The following SGPP1 variants were observed in gnomAD, a reference collection of about 807,000 sequenced individuals.
SGPP1 encodes sphingosine-1-phosphate phosphatase 1.
Under a neutral mutation model 33.0 loss-of-function variants are expected in SGPP1, and 21 were observed. The ratio of observed to expected loss-of-function variants is 0.64; its 90% CI spans 0.45 to 0.92. The LOEUF (loss-of-function observed/expected upper bound fraction) is 0.92. SGPP1 is among the 40% of genes least tolerant of loss of function. The pLI, the probability that SGPP1 is intolerant of heterozygous loss-of-function variation, is 0.00. For missense variants in SGPP1, 543 were observed against 589.4 expected (o/e 0.92, Z 0.81); for synonymous variants, 239 against 241.2 (o/e 0.99, Z 0.08).
At chr14:63,699,777 ACATGGTCCCT>A (rs1168805902) in intron 1 of SGPP1, among the ~76,000 whole-genome samples, 1 of 151,516 alleles carries the variant, frequency 6.6e-6, no homozygotes. Flanking sequence ...ACTACATTTA[ACATGGTCCCT>A]CACTTTCTCC....
chr14:63,717,775 A>G (rs1470322507), intron 1 of SGPP1, among the ~76,000 whole-genome samples: 2 of 152,250 alleles, frequency 1.3e-5, no homozygotes, highest in African/African-American at 4.8e-5. Context: ...ACAAAGAAAA[A>G]GCATGTTAAG....
At chr14:63,696,922 G>A (rs1885198177) in intron 2 of SGPP1, among the ~76,000 whole-genome samples, 1 of 152,192 alleles carries the variant, frequency 6.6e-6, no homozygotes. Context: ...GGAGGCAGAA[G>A]CTGCAGTGAG....
At chr14:63,710,928 A>G (rs978748930) in intron 1 of SGPP1, among the ~76,000 whole-genome samples, 6 of 152,232 alleles carry the variant, frequency 3.9e-5, no homozygotes, top group African/African-American at 1.4e-4. Context: ...TGGGGATACT[A>G]AGACCTATAA....
At chr14:63,717,931 A>G (rs73265743) in intron 1 of SGPP1, among the ~76,000 whole-genome samples, 7,629 of 152,250 alleles carry the variant, frequency 0.05, 335 homozygotes, top group African/African-American at 0.11. Context: ...CCAGAAGGCA[A>G]TGGTACAACA....
intron 1 of SGPP1, among the ~76,000 whole-genome samples, chr14:63,700,263 G>C (rs1355433224): frequency 1.3e-5 from 2 of 151,944 alleles, no homozygotes; most frequent in African/African-American, 4.8e-5. Flanking sequence ...ATTTCCCCGG[G>C]TTTAAGAACC....
In SGPP1 at chr14:63,685,140, C is replaced by A. The variant is rs1473578959; in HGVS notation, c.*965G>T. The A allele has an allele frequency of 6.6e-6, 1 of 152,082 alleles. No homozygotes were observed. Among genetic ancestry groups the A allele is most frequent in the Non-Finnish European group, 1.5e-5 (1 of 67,904 alleles). 9.4% of individuals were successfully genotyped at this position (152,082 alleles called of 1,614,324 possible). A position where few individuals can be genotyped will look rare whatever the true frequency, so the allele number is the denominator to read the frequency against. ...TATCTACAAAAAGGGAAGTATTTAT[C>A]CATTTAGCTTTCTAATAAATTGGTG... is the stretch of plus-strand genomic sequence containing the variant. On this transcript the variant is annotated 3_prime_UTR_variant, in exon 3 of 3. Transcript: ENST00000247225.
At position 63,686,025 on chromosome 14, in the gene SGPP1, T is replaced by C; in HGVS notation, c.*80A>G. 1 of 820,642 alleles carries C rather than the reference T, an allele frequency of 1.2e-6. No individual in the cohort carries two copies. The highest frequency in any genetic ancestry group is 1.8e-5 in the African/African-American group (1 of 57,108). 50.8% of individuals were successfully genotyped at this position (820,642 alleles called of 1,614,324 possible). Reference sequence around the variant, plus strand: ...TTAAATTCCTGCAAAAGCCTAATTCTGACCTGGCTTTACCTGGAATATATT... The same window carrying C: ...TTAAATTCCTGCAAAAGCCTAATTCCGACCTGGCTTTACCTGGAATATATT... On this transcript the variant is annotated 3_prime_UTR_variant, in exon 3 of 3. Transcript: ENST00000247225.
At chr14:63,690,195 ATGCCCAGCTAGG>A in intron 2 of SGPP1, among the ~76,000 whole-genome samples, 1 of 152,276 alleles carries the variant, frequency 6.6e-6, no homozygotes, top group Non-Finnish European at 1.5e-5. Context: ...GTGCATCACC[ATGCCCAGCTAGG>A]CTAAGTTTTG....
chr14:63,716,751 T>C (rs1193831200), intron 1 of SGPP1, among the ~76,000 whole-genome samples: 3 of 151,980 alleles, frequency 2.0e-5, no homozygotes, highest in East Asian at 1.9e-4. Context: ...TGGAGTGCAG[T>C]GGCACAATCT....
intron 1 of SGPP1, among the ~76,000 whole-genome samples, chr14:63,703,572 G>C (rs1261024152): frequency 1.4e-5 from 2 of 144,508 alleles, no homozygotes; most frequent in African/African-American, 5.1e-5. Flanking sequence ...AGAATTGCTT[G>C]AACCCGGGAG....
chr14:63,686,495 C>T lies in SGPP1; in HGVS notation c.936G>A (p.Trp312Ter). ...LGIFSFTLDT[W>*]STSRGDTAEI... ...CGGCTGTGTCTCCTCGGGATGTGCTCCAGGTGTCAAGAGTGAAAGAAAAGA... is the reference window on the plus strand; with the variant it reads ...CGGCTGTGTCTCCTCGGGATGTGCTTCAGGTGTCAAGAGTGAAAGAAAAGA... The change falls in exon 3 of 3, where the codon TGG becomes TGA. Residue 312 changes from tryptophan (W) to a stop codon, truncating the protein, a stop_gained. Coordinates refer to ENST00000247225, the MANE Select transcript of SGPP1 (RefSeq NM_030791.4). LOFTEE classifies it high-confidence loss of function. 6.2e-7 allele frequency: 1 copy of T among 1,613,964 alleles called. No homozygotes were observed. The highest frequency in any genetic ancestry group is 8.5e-7 in the Non-Finnish European group (1 of 1,179,986).
At chr14:63,724,745 TG>T (rs1046797187) in intron 1 of SGPP1, among the ~76,000 whole-genome samples, 3 of 149,978 alleles carry the variant, frequency 2.0e-5, no homozygotes, top group Non-Finnish European at 4.4e-5. Flanking sequence ...GCTAATTTTT[TG>T]TATTTTTTAG....
At chr14:63,688,356 T>C (rs1452104684) in intron 2 of SGPP1, among the ~76,000 whole-genome samples, 2 of 148,262 alleles carry the variant, frequency 1.3e-5, no homozygotes, top group South Asian at 4.3e-4. Flanking sequence ...TTAAAAGAAT[T>C]GACAACTGTA....
chr14:63,695,703 G>A (rs1258024260), intron 2 of SGPP1, among the ~76,000 whole-genome samples: 1 of 152,142 alleles, frequency 6.6e-6, no homozygotes, highest in Non-Finnish European at 1.5e-5. Flanking sequence ...CTTGAACCAG[G>A]AGTTTGATAT....
rs144885334 is a variant in SGPP1, at chr14:63,706,358, C to T, written c.685-7700G>A. Reference sequence around the variant, plus strand: ...GTGTTTTGGAACTAGATAGAAACAACGGTTGTACGACATTGTGAATGTACT... The same window carrying T: ...GTGTTTTGGAACTAGATAGAAACAATGGTTGTACGACATTGTGAATGTACT... On this transcript the variant is annotated intron_variant, in intron 1 of 2. Transcript: ENST00000247225. Among the ~76,000 whole-genome samples, 103 of 152,118 alleles carry T rather than the reference C, an allele frequency of 6.8e-4. 2 individuals are homozygous for T. The highest frequency in any genetic ancestry group is 1.1e-3 in the Non-Finnish European group (77 of 68,030).
intron 1 of SGPP1, among the ~76,000 whole-genome samples, chr14:63,716,447 T>C (rs1885628717): frequency 6.6e-6 from 1 of 151,786 alleles, no homozygotes; most frequent in African/African-American, 2.4e-5. Context: ...TGAGCCAATA[T>C]CACACCTCTG....
chr14:63,688,349 A>G (rs1165927666), intron 2 of SGPP1, among the ~76,000 whole-genome samples: 3 of 151,286 alleles, frequency 2.0e-5, no homozygotes, highest in African/African-American at 4.8e-5. Context: ...AAAAATTTTA[A>G]AAGAATTGAC....
chr14:63,694,750 TAAC>T (rs749557430), intron 2 of SGPP1, among the ~76,000 whole-genome samples: 41 of 152,140 alleles, frequency 2.7e-4, no homozygotes, highest in Non-Finnish European at 5.1e-4. Context: ...ATGTTAAAGG[TAAC>T]AAAGAGCTCA....
intron 1 of SGPP1, among the ~76,000 whole-genome samples, chr14:63,703,984 C>T (rs897967433): frequency 2.6e-5 from 4 of 151,486 alleles, no homozygotes; most frequent in Non-Finnish European, 5.9e-5. Flanking sequence ...CACCACCATA[C>T]CCTGCTAATT....
Sources: gnomAD v4.1 joint callset for allele counts (sites outside exome capture counted in the v4.1 genomes callset) on GRCh38, gnomAD v4.1.1 for gene constraint, MANE v1.5 for transcripts, NCBI Gene and HGNC (gene_info 2026-07-23, HGNC 2026-07-21) for gene names.